Variants in TANC1 observed in about 807,000 individuals in gnomAD.
TANC1 encodes tetratricopeptide repeat, ankyrin repeat and coiled-coil containing 1, also known as protein TANC1.
TANC1 carries 77 observed loss-of-function variants against 149.7 expected under a neutral mutation model. The observed-to-expected ratio is 0.51, with a 90% CI of 0.43 to 0.62. The LOEUF (loss-of-function observed/expected upper bound fraction) is 0.62, where lower values mean the gene tolerates loss of function less well. Ranked by LOEUF, TANC1 falls within the 20% of genes least tolerant of loss-of-function variation. TANC1 has a pLI of 0.00. For synonymous variants in TANC1, 854 were observed against 925.0 expected (o/e 0.92, Z 1.39); for missense variants, 1,985 against 2,321.8 (o/e 0.85, Z 2.98).
intron 4 of TANC1, among the ~76,000 whole-genome samples, 192 bp from the exon 5 acceptor site, chr2:159,136,002 T>TGTG (rs2050630309): frequency 9.3e-6 from 1 of 107,776 alleles, no homozygotes; most frequent in South Asian, 3.0e-4. Flanking sequence ...TACTGAAATT[T>TGTG]TGTGTGTGTG....
At chr2:158,981,491 TTATATATATATATATA>T (rs10602195) in intron 1 of TANC1, among the ~76,000 whole-genome samples, 72 of 34,350 alleles carry the variant, frequency 2.1e-3, no homozygotes, top group Non-Finnish European at 3.3e-3. Flanking sequence ...TATATAGCTT[TTATATATATATATATA>T]TATATATATA....
chr2:159,054,966 C>T (rs1004768193), intron 2 of TANC1, among the ~76,000 whole-genome samples: 4 of 152,160 alleles, frequency 2.6e-5, no homozygotes, highest in African/African-American at 9.7e-5. Flanking sequence ...ACAACTTGTC[C>T]AGAATCACTT....
chr2:158,984,004 G>T (rs529564633), intron 1 of TANC1, among the ~76,000 whole-genome samples: 3 of 152,302 alleles, frequency 2.0e-5, no homozygotes, highest in South Asian at 2.1e-4. Context: ...CAAGTCTTGG[G>T]ACTTTGGCTT....
At chr2:159,130,099 G>C (rs1574859119) in intron 4 of TANC1, among the ~76,000 whole-genome samples, 1 of 152,194 alleles carries the variant, frequency 6.6e-6, no homozygotes, top group Admixed American at 6.5e-5. Flanking sequence ...AGAGGAGCTG[G>C]TTGTCAGCTA....
At chr2:159,193,627 C>T (rs369519495) in intron 16 of TANC1, among the ~76,000 whole-genome samples, 12 of 152,074 alleles carry the variant, frequency 7.9e-5, no homozygotes, top group African/African-American at 2.2e-4. Flanking sequence ...CGGGTTCAAG[C>T]GATTCTCCTG....
intron 2 of TANC1, among the ~76,000 whole-genome samples, chr2:159,057,130 G>A (rs151052731): frequency 1.1e-4 from 17 of 152,096 alleles, no homozygotes; most frequent in Admixed American, 2.0e-4. Context: ...ATCTCCTTCT[G>A]TTGCCCAGGC....
At position 159,230,203 on chromosome 2, in the gene TANC1, G is replaced by A; in HGVS notation, c.4777G>A (p.Gly1593Ser). ...AACAGGTACTTTCACTACAAGAGCT[G>A]GTTGTGGCCACTTTGGGGATCGGCT... Reference protein sequence around the residue: ...EGTGTFTTRAGCGHFGDRLGP... With the variant: ...EGTGTFTTRASCGHFGDRLGP... Residue 1593 changes from glycine (G) to serine (S), a missense_variant, in exon 27 of 27, where the codon GGT (glycine) becomes AGT (serine). Physicochemically the swap from Gly to Ser is moderately conservative, Grantham distance 56 (BLOSUM62 0). This residue lies in a region of TANC1 where 920 missense variants were observed against 994.7 expected (regional missense o/e 0.92). Coordinates refer to ENST00000263635, the MANE Select transcript of TANC1 (RefSeq NM_033394.3). This position sits in a 1 kb window ranked among gnomAD's most constrained non-coding sequence, Gnocchi z 4.4. 2 of 1,614,044 alleles carry A rather than the reference G, an allele frequency of 1.2e-6. No homozygotes were observed. The highest frequency in any genetic ancestry group is 1.3e-5 in the African/African-American group (1 of 75,070).
chr2:159,151,119 G>C (rs1023782668), intron 7 of TANC1, among the ~76,000 whole-genome samples: 1 of 152,154 alleles, frequency 6.6e-6, no homozygotes, highest in Admixed American at 6.5e-5. Context: ...TTCCAGTCCG[G>C]ACTCTTACGC....
At position 159,062,083 on chromosome 2, in the gene TANC1, C is replaced by T. The variant is rs2042275786; in HGVS notation, c.-15-3813C>T. Among the ~76,000 whole-genome samples, 2 of 151,984 alleles carry T rather than the reference C, an allele frequency of 1.3e-5. 1 individual carries two copies. Among genetic ancestry groups the T allele is most frequent in the Middle Eastern group, 6.3e-3 (2 of 316 alleles). ...TGAAACCCCGTCTCTACTAAAAATA[C>T]AAAAATTAGCTGGGTGTGGTGGTGG... On this transcript the variant is annotated intron_variant, in intron 2 of 26. Transcript: ENST00000263635.
chr2:159,075,414 A>C (rs1274776861), intron 3 of TANC1, among the ~76,000 whole-genome samples: 1 of 111,576 alleles, frequency 9.0e-6, no homozygotes, highest in African/African-American at 2.6e-5. Flanking sequence ...AAAAAAAAAA[A>C]ACAAAAAAAA....
intron 3 of TANC1, among the ~76,000 whole-genome samples, chr2:159,073,824 A>G (rs1574477810): frequency 2.6e-5 from 4 of 152,202 alleles, no homozygotes; most frequent in African/African-American, 7.2e-5. Context: ...AATGTAAAAA[A>G]CTTGATTTCA....
Position 159,172,219 on chromosome 2 carries a change from A to C in TANC1, c.1450A>C (p.Ser484Arg). Residue 484 changes from serine (S) to arginine (R), a missense_variant, in exon 11 of 27, where the codon AGT (serine) becomes CGT (arginine). Ser to Arg is a moderately radical substitution (Grantham distance 110). Transcript: ENST00000263635. ...AGCTAAAACACCTCTTGGGTCTATC[A>C]GTGCTGAAAACCAGAGACCAAGAGA... ...STAKTPLGSI[S>R]AENQRPREDA... 1 of 1,614,184 alleles carries C rather than the reference A, an allele frequency of 6.2e-7. No individual in the cohort carries two copies.
chr2:159,026,698 C>T (rs953568155), intron 2 of TANC1, among the ~76,000 whole-genome samples: 4 of 151,994 alleles, frequency 2.6e-5, no homozygotes, highest in African/African-American at 9.7e-5. Context: ...GCTGCTTGTA[C>T]CTTCTGGAGT....
At chr2:159,109,823 C>T (rs1392410952) in intron 4 of TANC1, among the ~76,000 whole-genome samples, 1 of 152,180 alleles carries the variant, frequency 6.6e-6, no homozygotes, top group African/African-American at 2.4e-5. Flanking sequence ...CCTTATTTTA[C>T]TTAACTGTGG....
chr2:159,105,257 G>A (rs1318643834), intron 4 of TANC1, among the ~76,000 whole-genome samples: 2 of 151,968 alleles, frequency 1.3e-5, no homozygotes, highest in Non-Finnish European at 2.9e-5. Context: ...GCCTCCCAGA[G>A]TGCTGGGATT....
At chr2:159,140,338 C>G (rs2051222835) in intron 5 of TANC1, among the ~76,000 whole-genome samples, 1 of 152,184 alleles carries the variant, frequency 6.6e-6, no homozygotes, top group Non-Finnish European at 1.5e-5. Context: ...TTTTCAGCTT[C>G]TTAGAATGGC....
At chr2:159,134,585 C>G (rs1479177144) in intron 4 of TANC1, among the ~76,000 whole-genome samples, 1 of 152,034 alleles carries the variant, frequency 6.6e-6, no homozygotes, top group African/African-American at 2.4e-5. Context: ...TGGGTTCAAG[C>G]GATTCTCCTG....
intron 2 of TANC1, among the ~76,000 whole-genome samples, chr2:159,054,514 T>C (rs2041705136): frequency 6.6e-6 from 1 of 152,150 alleles, no homozygotes; most frequent in African/African-American, 2.4e-5. Context: ...TTTTGATGTC[T>C]TATATTCTGG....
At chr2:159,084,305 C>T (rs77688298) in intron 3 of TANC1, among the ~76,000 whole-genome samples, 13 of 152,070 alleles carry the variant, frequency 8.5e-5, no homozygotes, top group Admixed American at 3.3e-4. Context: ...AGCTCCCCCC[C>T]CAATACAGGC....
Sources: gnomAD v4.1 joint callset for allele counts (sites outside exome capture counted in the v4.1 genomes callset) on GRCh38, gnomAD v4.1.1 for gene constraint, gnomAD v4.1.1 regional missense constraint, Gnocchi (gnomAD v3.1) non-coding constraint, MANE v1.5 for transcripts, NCBI Gene and HGNC (gene_info 2026-07-23, HGNC 2026-07-21) for gene names.